The following C1orf50 variants were observed in gnomAD, a reference collection of about 807,000 sequenced individuals.
The protein encoded by C1orf50 is chromosome 1 open reading frame 50, also known as uncharacterized protein C1orf50.
Under a neutral mutation model 23.3 loss-of-function variants are expected in C1orf50, and 22 were observed. The ratio of observed to expected loss-of-function variants is 0.94; its 90% CI spans 0.67 to 1.35. The LOEUF is 1.35. Ranked by LOEUF, C1orf50 falls within the 40% of genes most tolerant of loss-of-function variation. The pLI, the probability that C1orf50 is intolerant of heterozygous loss-of-function variation, is 0.00. For missense variants in C1orf50, 271 were observed against 249.4 expected, an observed-to-expected ratio of 1.09 and a Z score of -0.58; for synonymous variants, 96 against 102.4, an observed-to-expected ratio of 0.94 and a Z score of 0.38.
chr1:42,767,272 A>G lies in C1orf50; in HGVS notation c.-40A>G. On this transcript the variant is annotated 5_prime_UTR_variant, in exon 1 of 5. Coordinates refer to ENST00000372525, the MANE Select transcript of C1orf50 (RefSeq NM_024097.4). ...GCGCCTTTATGCGCAGGCTCTTCCT[A>G]CTCGCACAGCCCAGGGAGTGGGGAG... is the stretch of plus-strand genomic sequence containing the variant. 1 of 1,469,116 alleles carries G rather than the reference A, an allele frequency of 6.8e-7. No homozygotes were observed. Among genetic ancestry groups the G allele is most frequent in the African/African-American group, 1.4e-5 (1 of 70,154 alleles). The allele number at this position is 1,469,116 out of a possible 1,614,324, so 91.0% of individuals were successfully genotyped here. A position where few individuals can be genotyped will look rare whatever the true frequency, so the allele number is the denominator to read the frequency against.
chr1:42,770,560 G>A (rs2124187338), intron 2 of C1orf50, among the ~76,000 whole-genome samples: 1 of 152,094 alleles, frequency 6.6e-6, no homozygotes, highest in East Asian at 1.9e-4. Context: ...AGCCTCCCAA[G>A]TAGCTGGGAT....
At chr1:42,767,751 G>A (rs764766592) in intron 2 of C1orf50, 127 bp downstream of exon 2, 5 of 816,392 alleles carry the variant, frequency 6.1e-6, no homozygotes, top group South Asian at 3.4e-5. Flanking sequence ...TTTTACAGAC[G>A]AGTAAAGCCG....
chr1:42,774,415 G>A (rs1465590730), intron 3 of C1orf50, among the ~76,000 whole-genome samples: 1 of 152,118 alleles, frequency 6.6e-6, no homozygotes, highest in East Asian at 1.9e-4. Context: ...TTTTAGTAGA[G>A]ACAGGGTTTT....
intron 2 of C1orf50, among the ~76,000 whole-genome samples, chr1:42,768,957 A>T (rs1653157716): frequency 6.6e-6 from 1 of 152,236 alleles, no homozygotes. Flanking sequence ...AATCAAACAT[A>T]TTAACTATCT....
In C1orf50 at chr1:42,777,510, G is replaced by A. The variant is rs1284388176; in HGVS notation, c.*2116G>A. The stretch of plus-strand genomic sequence containing the variant: ...CTCTATAACATGGCAGCTTTCTTAA[G>A]CAAAGTAAACAAGGATTAGAGTCTG... On this transcript the variant is annotated 3_prime_UTR_variant, in exon 5 of 5. Transcript: ENST00000372525. 1 of 152,210 alleles carries A rather than the reference G, an allele frequency of 6.6e-6. No individual in the cohort carries two copies. Among genetic ancestry groups the A allele is most frequent in the Admixed American group, 6.5e-5 (1 of 15,284 alleles). 9.4% of individuals were successfully genotyped at this position (152,210 alleles called of 1,614,324 possible). A position where few individuals can be genotyped will look rare whatever the true frequency, so the allele number is the denominator to read the frequency against.
chr1:42,768,254 T>C (rs1477157432), intron 2 of C1orf50, among the ~76,000 whole-genome samples: 1 of 152,246 alleles, frequency 6.6e-6, no homozygotes, highest in Non-Finnish European at 1.5e-5. Context: ...GGACCTCAAC[T>C]ATTTTATCTG....
chr1:42,773,581 G>A lies in C1orf50; in HGVS notation c.214G>A (p.Ala72Thr). ...QVQKADEFIR[A>T]NATNKLTVIA... ...CCTGTAGGCTGATGAATTCATCCGA[G>A]CAAATGCCACCAACAAGCTGACAGT... The change falls in exon 3 of 5, where the codon GCA (alanine) becomes ACA (threonine). Residue 72 changes from alanine to threonine, a missense_variant. Physicochemically the swap from Ala to Thr is moderately conservative, Grantham distance 58. Transcript: ENST00000372525. 6.2e-7 allele frequency: 1 copy of A among 1,612,200 alleles called. No homozygotes were observed. Among genetic ancestry groups the A allele is most frequent in the Non-Finnish European group, 8.5e-7 (1 of 1,178,532 alleles).
At chr1:42,775,096 T>C (rs1653307124) in intron 4 of C1orf50, 113 bp from the exon 5 acceptor site, 6 of 1,072,182 alleles carry the variant, frequency 5.6e-6, no homozygotes, top group Non-Finnish European at 8.1e-6. Flanking sequence ...CCAAAGGTTG[T>C]TCTGACTAGT....
rs1653326525 is a variant in C1orf50, at chr1:42,775,772, A to ATG, written c.*379_*380insGT. On this transcript the variant is annotated 3_prime_UTR_variant, in exon 5 of 5. Coordinates refer to ENST00000372525, the MANE Select transcript of C1orf50 (RefSeq NM_024097.4). ...ACTGTTTTCAGTCTTTTATATATAT[A>ATG]TATATATATATATAACTGGTAGTAT... 1 of 146,526 alleles carries ATG rather than the reference A, an allele frequency of 6.8e-6. No individual in the cohort carries two copies. Among genetic ancestry groups the ATG allele is most frequent in the Non-Finnish European group, 1.5e-5 (1 of 66,988 alleles). 9.1% of individuals were successfully genotyped at this position (146,526 alleles called of 1,614,324 possible). A position where few individuals can be genotyped will look rare whatever the true frequency, so the allele number is the denominator to read the frequency against.
rs1653343613 is a variant in C1orf50 at position 42,776,531 on chromosome 1, G to C, written c.*1137G>C. 6.6e-6 allele frequency: 1 copy of C among 152,354 alleles called. No individual in the cohort carries two copies. Among genetic ancestry groups the C allele is most frequent in the African/African-American group, 2.4e-5 (1 of 41,450 alleles). 9.4% of individuals were successfully genotyped at this position (152,354 alleles called of 1,614,324 possible). On this transcript the variant is annotated 3_prime_UTR_variant, in exon 5 of 5. Transcript: ENST00000372525. ...CTCTGGGAATGATGTTCCTGATGCT[G>C]ATCTGTTTGGTAATACCCTCCCCGG...
chr1:42,772,824 C>A (rs575869761), intron 2 of C1orf50, among the ~76,000 whole-genome samples: 2 of 152,126 alleles, frequency 1.3e-5, no homozygotes, highest in African/African-American at 4.8e-5. Context: ...CTTTGTGGCA[C>A]GTGACAGGTA....
intron 2 of C1orf50, among the ~76,000 whole-genome samples, chr1:42,770,234 TTTTG>T (rs1271183973): frequency 6.6e-6 from 1 of 152,220 alleles, no homozygotes; most frequent in East Asian, 1.9e-4. Context: ...TTTTTCCTTT[TTTTG>T]GACCTCAGAC....
At chr1:42,771,949 T>C (rs898512633) in intron 2 of C1orf50, among the ~76,000 whole-genome samples, 1 of 147,954 alleles carries the variant, frequency 6.8e-6, no homozygotes, top group Non-Finnish European at 1.5e-5. Flanking sequence ...CATTCCAGCC[T>C]CCGTGACAGA....
rs1199443358 is a variant in C1orf50 at position 42,778,413 on chromosome 1, A to G, written c.*3019A>G. On this transcript the variant is annotated 3_prime_UTR_variant, in exon 5 of 5. Transcript: ENST00000372525. ...AGGGGTTCCTTACTGAGCTTGGAGA[A>G]TTTGGGAAGACACTTGGAGGAGCTG... is the stretch of plus-strand genomic sequence containing the variant. 1 of 152,222 alleles carries G rather than the reference A, an allele frequency of 6.6e-6. No homozygotes were observed. Among genetic ancestry groups the G allele is most frequent in the Non-Finnish European group, 1.5e-5 (1 of 68,056 alleles). 9.4% of individuals were successfully genotyped at this position (152,222 alleles called of 1,614,324 possible). A position where few individuals can be genotyped will look rare whatever the true frequency, so the allele number is the denominator to read the frequency against.
chr1:42,769,043 C>T (rs987810507), intron 2 of C1orf50, among the ~76,000 whole-genome samples: 2 of 151,918 alleles, frequency 1.3e-5, no homozygotes, highest in African/African-American at 4.8e-5. Flanking sequence ...GTGGGTGGAT[C>T]ATTTGAAGTC....
At chr1:42,769,206 C>G (rs1653163873) in intron 2 of C1orf50, among the ~76,000 whole-genome samples, 2 of 151,854 alleles carry the variant, frequency 1.3e-5, no homozygotes, top group African/African-American at 4.8e-5. Flanking sequence ...CGAGATCGCA[C>G]CACTGTACTC....
chr1:42,775,228 C>T lies in C1orf50; in HGVS notation c.434C>T (p.Pro145Leu), dbSNP rs1653310233. 1 of 1,595,014 alleles carries T rather than the reference C, an allele frequency of 6.3e-7. No homozygotes were observed. Among genetic ancestry groups the T allele is most frequent in the Non-Finnish European group, 8.6e-7 (1 of 1,163,968 alleles). ...ISPKEWGTSCPHDFLGAYKLQ... is the reference protein window; with the variant it reads ...ISPKEWGTSCLHDFLGAYKLQ... ...CTCTAGGAATGGGGGACAAGTTGTCCACATGACTTCCTTGGTGCCTACAAA... is the reference window on the plus strand; with the variant it reads ...CTCTAGGAATGGGGGACAAGTTGTCTACATGACTTCCTTGGTGCCTACAAA... The change falls in exon 5 of 5, where the codon CCA (proline) becomes CTA (leucine). Residue 145 changes from proline to leucine, a missense_variant. By Grantham distance (98) the Pro-to-Leu change is moderately conservative. Coordinates refer to ENST00000372525, the MANE Select transcript of C1orf50 (RefSeq NM_024097.4).
Position 42,775,643 on chromosome 1 carries a change from CAGTGTA to C in C1orf50, c.*250_*255del. The C allele has an allele frequency of 2.8e-6, 1 of 356,524 alleles. No individual in the cohort carries two copies. Among genetic ancestry groups the C allele is most frequent in the Non-Finnish European group, 5.1e-6 (1 of 196,324 alleles). The allele number at this position is 356,524 out of a possible 1,614,324, so 22.1% of individuals were successfully genotyped here. A position where few individuals can be genotyped will look rare whatever the true frequency, so the allele number is the denominator to read the frequency against. On this transcript the variant is annotated 3_prime_UTR_variant, in exon 5 of 5. Coordinates refer to ENST00000372525, the MANE Select transcript of C1orf50 (RefSeq NM_024097.4). ...AGTCAGTCAGTTTCAGAGTATTGGC[CAGTGTA>C]CTTTCCTTCTTCCTCTCCATCACTT...
At chr1:42,774,681 A>T in intron 3 of C1orf50, 56 bp from the exon 4 acceptor site, 2 of 1,552,170 alleles carry the variant, frequency 1.3e-6, no homozygotes, top group Non-Finnish European at 1.8e-6. Flanking sequence ...ATGATCACCA[A>T]ATGTGGGTGC....
Sources: gnomAD v4.1 joint callset for allele counts (sites outside exome capture counted in the v4.1 genomes callset) on GRCh38, gnomAD v4.1.1 for gene constraint, MANE v1.5 for transcripts, NCBI Gene and HGNC (gene_info 2026-07-23, HGNC 2026-07-21) for gene names.